Variants in RUFY2 observed in about 807,000 individuals in gnomAD.
The protein encoded by RUFY2 is RUN and FYVE domain-containing protein 2.
RUFY2 carries 49 observed loss-of-function variants against 94.4 expected under a neutral mutation model. The ratio of observed to expected loss-of-function variants is 0.52; its 90% CI spans 0.41 to 0.66. The LOEUF is 0.66. RUFY2 is among the 30% of genes least tolerant of loss of function. RUFY2 has a pLI of 0.00. For synonymous variants in RUFY2, 255 were observed against 235.7 expected, an observed-to-expected ratio of 1.08 and a Z score of -0.75; for missense variants, 541 against 692.8, an observed-to-expected ratio of 0.78 and a Z score of 2.46.
At chr10:68,370,874 T>G (rs1255558654) in intron 13 of RUFY2, among the ~76,000 whole-genome samples, 1 of 152,018 alleles carries the variant, frequency 6.6e-6, no homozygotes, top group Non-Finnish European at 1.5e-5. Context: ...GGCTCACGCC[T>G]GTAATCCCAG....
intron 13 of RUFY2, among the ~76,000 whole-genome samples, chr10:68,369,884 T>G (rs1294686240): frequency 1.3e-5 from 2 of 152,182 alleles, no homozygotes; most frequent in African/African-American, 2.4e-5. Context: ...GATGACCAAA[T>G]GTAGCTGCCC....
chr10:68,400,702 A>T (rs2133203067), intron 3 of RUFY2, among the ~76,000 whole-genome samples: 1 of 145,828 alleles, frequency 6.9e-6, no homozygotes, highest in African/African-American at 2.5e-5. Context: ...ATAAAAATTA[A>T]AAAGAAAACT....
intron 13 of RUFY2, among the ~76,000 whole-genome samples, chr10:68,369,811 C>T (rs1424937683): frequency 6.6e-6 from 1 of 152,052 alleles, no homozygotes; most frequent in Non-Finnish European, 1.5e-5. Flanking sequence ...ACTCTCGGTA[C>T]ACCCCTCTTG....
rs546819664 is a variant in RUFY2 at position 68,390,209 on chromosome 10, T to C, written c.650+2929A>G. Among the ~76,000 whole-genome samples, 6 of 152,328 alleles carry C rather than the reference T, an allele frequency of 3.9e-5. No individual in the cohort carries two copies. In the South Asian group the frequency reaches 1.2e-3, roughly 32 times the overall value. On this transcript the variant is annotated intron_variant, in intron 7 of 17. Transcript: ENST00000602465. Reference sequence around the variant, plus strand: ...TAAAACTCCATTTAAAAAAGACTTATATGAAGTCTTTCCTATTTCTACTTT... The same window carrying C: ...TAAAACTCCATTTAAAAAAGACTTACATGAAGTCTTTCCTATTTCTACTTT...
chr10:68,383,009 T>C (rs2049194344), intron 10 of RUFY2, among the ~76,000 whole-genome samples: 1 of 152,206 alleles, frequency 6.6e-6, no homozygotes, highest in Non-Finnish European at 1.5e-5. Context: ...CACAATCATA[T>C]ACTGTAACTT....
chr10:68,387,653 C>G (rs1194697079), intron 7 of RUFY2, among the ~76,000 whole-genome samples: 1 of 152,164 alleles, frequency 6.6e-6, no homozygotes, highest in Non-Finnish European at 1.5e-5. Flanking sequence ...AAACACAAGT[C>G]TAGGAGACGT....
intron 15 of RUFY2, among the ~76,000 whole-genome samples, chr10:68,356,503 C>CA (rs2047066982): frequency 6.6e-6 from 1 of 151,974 alleles, no homozygotes; most frequent in South Asian, 2.1e-4. Flanking sequence ...GATGCCGTCT[C>CA]AAAAACAGCA....
chr10:68,403,514 AGTGCTGGGATT>A (rs2051026966), intron 2 of RUFY2, among the ~76,000 whole-genome samples: 1 of 152,188 alleles, frequency 6.6e-6, no homozygotes, highest in South Asian at 2.1e-4. Context: ...AGCCTCCCAA[AGTGCTGGGATT>A]ACAGGTGCCC....
chr10:68,407,166 T>C lies in RUFY2; in HGVS notation c.4+20A>G, dbSNP rs1443441411. 7.7e-6 allele frequency: 11 copies of C among 1,435,064 alleles called. No individual in the cohort carries two copies. The highest frequency in any genetic ancestry group is 3.0e-5 in the African/African-American group (2 of 65,580). 88.9% of individuals were successfully genotyped at this position (1,435,064 alleles called of 1,614,324 possible). On this transcript the variant is annotated intron_variant, in intron 1 of 17. Coordinates refer to ENST00000602465, the MANE Select transcript of RUFY2 (RefSeq NM_001330103.2). ...CCGGGACTGAGGGCCTAGCGTTCGGTTTCGGCCCGCTCGCCTTACCCATGG... is the reference window on the plus strand; with the variant it reads ...CCGGGACTGAGGGCCTAGCGTTCGGCTTCGGCCCGCTCGCCTTACCCATGG...
At chr10:68,398,943 G>C (rs952238921) in intron 3 of RUFY2, among the ~76,000 whole-genome samples, 3 of 151,932 alleles carry the variant, frequency 2.0e-5, no homozygotes, top group Admixed American at 1.3e-4. Flanking sequence ...TTTTGTTTTT[G>C]AGAGTTGAAA....
intron 15 of RUFY2, among the ~76,000 whole-genome samples, chr10:68,361,266 C>A (rs947335340): frequency 3.3e-5 from 5 of 151,786 alleles, no homozygotes; most frequent in African/African-American, 1.2e-4. Context: ...GCAACAAGAG[C>A]GAAACTTCCT....
rs193014114 is a variant in RUFY2, at chr10:68,344,101, A to G, written c.*1667T>C. 2.0e-5 allele frequency: 3 copies of G among 152,356 alleles called. No homozygotes were observed. Among genetic ancestry groups the G allele is most frequent in the Admixed American group, 1.3e-4 (2 of 15,304 alleles). 9.4% of individuals were successfully genotyped at this position (152,356 alleles called of 1,614,324 possible). On this transcript the variant is annotated 3_prime_UTR_variant, in exon 18 of 18. Transcript: ENST00000602465. The stretch of plus-strand genomic sequence containing the variant: ...ATCCTCTCTTGAGGACATTTCTGTC[A>G]GTATTCAAGAAAGACCATCTAGAAA...
intron 13 of RUFY2, among the ~76,000 whole-genome samples, chr10:68,376,467 T>TAC (rs2048667261): frequency 2.7e-5 from 1 of 36,520 alleles, no homozygotes; most frequent in Non-Finnish European, 5.9e-5. Flanking sequence ...TATATATATA[T>TAC]ATATATATAT....
downstream of RUFY2, chr10:68,342,789 G>C (rs543719746): frequency 2.6e-5 from 4 of 152,684 alleles, no homozygotes; most frequent in South Asian, 6.2e-4. Context: ...TCTTAGAGTA[G>C]GGTTAAGGTT....
chr10:68,346,181 A>G (rs1564769772), intron 16 of RUFY2, 97 bp from the exon 17 acceptor site: 1 of 839,266 alleles, frequency 1.2e-6, no homozygotes. Flanking sequence ...GAATAGATAT[A>G]TGAAGAATGG....
chr10:68,404,932 A>T, intron 1 of RUFY2, 88 bp from the exon 2 acceptor site: 1 of 1,107,242 alleles, frequency 9.0e-7, no homozygotes, highest in Non-Finnish European at 1.3e-6. Flanking sequence ...ATAAAAACCA[A>T]CAGTAGTTTG....
chr10:68,363,746 G>A (rs775095308), intron 14 of RUFY2, 62 bp from the exon 15 acceptor site: 36 of 1,062,528 alleles, frequency 3.4e-5, no homozygotes, highest in Non-Finnish European at 4.7e-5. Flanking sequence ...ACTCCAGATT[G>A]TACATATACC....
chr10:68,388,976 T>G (rs1016205251), intron 7 of RUFY2, among the ~76,000 whole-genome samples: 2 of 152,132 alleles, frequency 1.3e-5, no homozygotes, highest in Non-Finnish European at 2.9e-5. Context: ...CAGTGTAGCC[T>G]CAACCTCCAG....
chr10:68,352,591 C>G (rs2046756585), intron 16 of RUFY2, among the ~76,000 whole-genome samples: 1 of 152,132 alleles, frequency 6.6e-6, no homozygotes, highest in South Asian at 2.1e-4. Flanking sequence ...AGAGGTGTTT[C>G]AAGGTATGAG....
Sources: gnomAD v4.1 joint callset for allele counts (sites outside exome capture counted in the v4.1 genomes callset) on GRCh38, gnomAD v4.1.1 for gene constraint, MANE v1.5 for transcripts, NCBI Gene and HGNC (gene_info 2026-07-23, HGNC 2026-07-21) for gene names.